Variants in DHRS1 observed in about 807,000 individuals in gnomAD.
DHRS1 encodes the protein dehydrogenase/reductase SDR family member 1.
DHRS1 carries 34 observed loss-of-function variants against 35.2 expected under a neutral mutation model. That is an observed-to-expected ratio of 0.97 (90% confidence interval 0.74 to 1.29). DHRS1 has a LOEUF of 1.29. Among genes scored for constraint, DHRS1 ranks in the 50% most tolerant of loss-of-function variants. The pLI, the probability that DHRS1 is intolerant of heterozygous loss-of-function variation, is 0.00. For synonymous variants in DHRS1, 133 were observed against 160.0 expected (o/e 0.83, Z 1.27); for missense variants, 354 against 403.6 (o/e 0.88, Z 1.05).
At chr14:24,291,720 CA>C (rs1206131842) in intron 6 of DHRS1, 95 bp from the exon 7 acceptor site, 3 of 1,323,834 alleles carry the variant, frequency 2.3e-6, no homozygotes, top group Non-Finnish European at 3.3e-6. Context: ...AGAAAAAGAC[CA>C]AAGACCAAAG....
At position 24,292,284 on chromosome 14, in the gene DHRS1, C is replaced by T. The variant is rs746147145; in HGVS notation, c.554G>A (p.Gly185Glu). The T allele has an allele frequency of 1.6e-5, 26 of 1,614,040 alleles. No homozygotes were observed. The highest frequency in any genetic ancestry group is 4.0e-5 in the African/African-American group (3 of 74,910). The change falls in exon 6 of 9, where the codon GGG (glycine) becomes GAG (glutamate). Residue 185 changes from glycine (G) to glutamate (E), a missense_variant. Coordinates refer to ENST00000288111, the MANE Select transcript of DHRS1 (RefSeq NM_001136050.3). Reference sequence around the variant, plus strand: ...CGGCCACAGAGACACACAGCTGACCCCATGGCGCCGCAGCTCGTGGGCACA... The same window carrying T: ...CGGCCACAGAGACACACAGCTGACCTCATGGCGCCGCAGCTCGTGGGCACA... ...ADCAHELRRHGVSCVSLWPGI... is the reference protein window; with the variant it reads ...ADCAHELRRHEVSCVSLWPGI...
rs978605287 is a variant in DHRS1, at chr14:24,296,586, C to G, written c.297G>C (p.Thr99=). ...LVNNAYAGVQ[T]ILNTRNKAFW... Reference sequence around the variant, plus strand: ...ATGCCTTATTCCTGGTGTTCAGGATCGTCTGGAAGGCACAGGGAGGGTGAT... The same window carrying G: ...ATGCCTTATTCCTGGTGTTCAGGATGGTCTGGAAGGCACAGGGAGGGTGAT... Residue 99 remains threonine, a splice_region_variant and synonymous_variant, in exon 4 of 9, where the codon ACG becomes ACC. Transcript: ENST00000288111. 1.9e-6 allele frequency: 3 copies of G among 1,613,694 alleles called. No individual in the cohort carries two copies. The highest frequency in any genetic ancestry group is 2.5e-6 in the Non-Finnish European group (3 of 1,179,976).
Position 24,296,884 on chromosome 14 carries a change from G to A in DHRS1, c.151-3C>T. On this transcript the variant is annotated splice_region_variant and splice_polypyrimidine_tract_variant and intron_variant, in intron 2 of 8. Transcript: ENST00000288111. ...CATTGGCCCCCGAGGGATTGTGCCT[G>A]GAGTAGGACAGGGGATATGAGCTCA... The A allele has an allele frequency of 6.2e-7, 1 of 1,614,200 alleles. No homozygotes were observed. Among genetic ancestry groups the A allele is most frequent in the Non-Finnish European group, 8.5e-7 (1 of 1,180,026 alleles).
chr14:24,297,026 G>C (rs2041261480), intron 2 of DHRS1, 145 bp from the exon 3 acceptor site: 1 of 1,077,870 alleles, frequency 9.3e-7, no homozygotes, highest in Non-Finnish European at 1.3e-6. Context: ...AGGCAACGCT[G>C]CCCTCTGGTG....
intron 3 of DHRS1, 52 bp downstream of exon 3, chr14:24,296,686 G>T (rs2041253576): frequency 1.9e-6 from 3 of 1,613,964 alleles, no homozygotes; most frequent in Admixed American, 1.7e-5. Flanking sequence ...AGATGCAGGG[G>T]TCTGAGGGGG....
intron 2 of DHRS1, chr14:24,298,636 T>C (rs2041306008): frequency 4.3e-6 from 1 of 231,872 alleles, no homozygotes; most frequent in Non-Finnish European, 8.4e-6. Context: ...TCGTCTAGAC[T>C]GGAGTGCAGT....
intron 2 of DHRS1, 46 bp from the exon 3 acceptor site, chr14:24,296,927 G>A (rs769847904): frequency 1.1e-4 from 184 of 1,611,070 alleles, no homozygotes; most frequent in South Asian, 1.0e-3. Context: ...ACATGGGTGT[G>A]AGTCATGACA....
chr14:24,296,416 G>A (rs2295307), intron 4 of DHRS1, 93 bp downstream of exon 4: 553,491 of 1,225,152 alleles, frequency 0.45, 132,484 homozygotes, highest in Middle Eastern at 0.52. Flanking sequence ...GGGGGAGGCC[G>A]GAGGGAAAAG....
chr14:24,297,784 T>C (rs1001303626), intron 2 of DHRS1, among the ~76,000 whole-genome samples: 2 of 152,216 alleles, frequency 1.3e-5, no homozygotes, highest in African/African-American at 4.8e-5. Context: ...CCTATGCTTA[T>C]GGAGCTCCCT....
rs1336693276 is a variant in DHRS1 at position 24,291,205 on chromosome 14, T to C, written c.739A>G (p.Ser247Gly). The change falls in exon 8 of 9, where the codon AGC becomes GGC. Residue 247 changes from serine (S) to glycine (G), a missense_variant. Ser to Gly is a moderately conservative substitution (Grantham distance 56). Coordinates refer to ENST00000288111, the MANE Select transcript of DHRS1 (RefSeq NM_001136050.3). ...VALATDPNIL[S>G]LSGKVLPSCD... ...GATGGCAGCACCTTACCACTCAGGCTCAGGATATTGGGATCTGCGGGCACA... is the reference window on the plus strand; with the variant it reads ...GATGGCAGCACCTTACCACTCAGGCCCAGGATATTGGGATCTGCGGGCACA... The C allele has an allele frequency of 1.9e-6, 3 of 1,613,904 alleles. No homozygotes were observed. In the African/African-American group the frequency reaches 4.0e-5, roughly 22 times the overall value.
rs777655333 is a variant in DHRS1, at chr14:24,296,783, TTGCTG to T, written c.244_248del (p.Gln82ArgfsTer23). On this transcript the variant is annotated frameshift_variant, in exon 3 of 9. Transcript: ENST00000288111. LOFTEE classifies it high-confidence loss of function. ...TGTTGACCAGCACATCTAGACGCCC[TTGCTG>T]TTCCCGATCCACTTGCTCAAACAGG... is the stretch of plus-strand genomic sequence containing the variant. The T allele has an allele frequency of 6.2e-7, 1 of 1,614,192 alleles. No homozygotes were observed. Among genetic ancestry groups the T allele is most frequent in the African/African-American group, 1.3e-5 (1 of 75,040 alleles).
At position 24,290,736 on chromosome 14, in the gene DHRS1, A is replaced by G. The variant is rs566519009; in HGVS notation, c.*123T>C. 1.7e-4 allele frequency: 222 copies of G among 1,283,578 alleles called. No individual in the cohort carries two copies. The highest frequency in any genetic ancestry group is 2.5e-4 in the Admixed American group (13 of 52,266). The allele number at this position is 1,283,578 out of a possible 1,614,324, so 79.5% of individuals were successfully genotyped here. ...CCAGAACTCACCACGGACACACAGC[A>G]GAGGGCTTCTCTTCATATCAAGGGT... On this transcript the variant is annotated 3_prime_UTR_variant, in exon 9 of 9. Coordinates refer to ENST00000288111, the MANE Select transcript of DHRS1 (RefSeq NM_001136050.3).
At chr14:24,299,303 CTGA>C in intron 1 of DHRS1, 173 bp from the exon 2 acceptor site, 3 of 588,100 alleles carry the variant, frequency 5.1e-6, no homozygotes, top group South Asian at 4.6e-5. Context: ...GAGGACAAGG[CTGA>C]CTGTCTTTTG....
intron 4 of DHRS1, among the ~76,000 whole-genome samples, chr14:24,295,946 G>C (rs1328128040): frequency 6.6e-6 from 1 of 152,182 alleles, no homozygotes; most frequent in Non-Finnish European, 1.5e-5. Context: ...AACAGTAACA[G>C]AGGCATAACT....
chr14:24,299,235 C>A, intron 1 of DHRS1, 105 bp from the exon 2 acceptor site: 2 of 1,113,506 alleles, frequency 1.8e-6, no homozygotes, highest in Non-Finnish European at 2.5e-6. Flanking sequence ...GAGGAGGAGC[C>A]AAGGTAAGAA....
chr14:24,295,251 G>C (rs1443524719), intron 4 of DHRS1, among the ~76,000 whole-genome samples: 1 of 152,144 alleles, frequency 6.6e-6, no homozygotes, highest in Non-Finnish European at 1.5e-5. Context: ...TATATATCAG[G>C]CAAGAGAGCA....
intron 4 of DHRS1, among the ~76,000 whole-genome samples, chr14:24,295,139 G>C (rs1218226407): frequency 6.6e-6 from 1 of 152,098 alleles, no homozygotes; most frequent in Admixed American, 6.6e-5. Context: ...AGAAATAAAT[G>C]ATCATACATC....
At chr14:24,294,548 A>G (rs1487681705) in intron 4 of DHRS1, 2 of 152,120 alleles carry the variant, frequency 1.3e-5, no homozygotes, top group Non-Finnish European at 2.9e-5. Flanking sequence ...GAGATTGCAC[A>G]CTGCACTCTA....
chr14:24,296,779 G>A lies in DHRS1; in HGVS notation c.253C>T (p.Arg85Cys), dbSNP rs374022789. The change falls in exon 3 of 9, where the codon CGT (arginine) becomes TGT (cysteine). Residue 85 changes from arginine to cysteine, a missense_variant. Transcript: ENST00000288111. ...FEQVDREQQGRLDVLVNNAYA... is the reference protein window; with the variant it reads ...FEQVDREQQGCLDVLVNNAYA... ...GCATTGTTGACCAGCACATCTAGAC[G>A]CCCTTGCTGTTCCCGATCCACTTGC... The A allele has an allele frequency of 3.7e-6, 6 of 1,614,170 alleles. No homozygotes were observed. The highest frequency in any genetic ancestry group is 2.2e-5 in the East Asian group (1 of 44,884).
Sources: gnomAD v4.1 joint callset for allele counts (sites outside exome capture counted in the v4.1 genomes callset) on GRCh38, gnomAD v4.1.1 for gene constraint, MANE v1.5 for transcripts, NCBI Gene and HGNC (gene_info 2026-07-23, HGNC 2026-07-21) for gene names.